Variants in KLHDC3 observed in about 807,000 individuals in gnomAD.
KLHDC3 encodes kelch domain-containing protein 3.
A neutral mutation model predicts 44.1 loss-of-function variants in KLHDC3; 5 were observed. That is an observed-to-expected ratio of 0.11 (90% CI 0.06 to 0.24). The LOEUF (loss-of-function observed/expected upper bound fraction) is 0.24. Ranked by LOEUF, KLHDC3 falls within the 10% of genes least tolerant of loss-of-function variation. KLHDC3 has a pLI of 1.00. For synonymous variants in KLHDC3, 170 were observed against 189.0 expected (o/e 0.90, Z 0.82); for missense variants, 247 against 514.3 (o/e 0.48, Z 5.03).
intron 10 of KLHDC3, among the ~76,000 whole-genome samples, 197 bp downstream of exon 10, chr6:43,019,563 G>GA (rs112870593): frequency 4.5e-4 from 68 of 151,064 alleles, no homozygotes; most frequent in Non-Finnish European, 6.5e-4. Context: ...TAAATTATAT[G>GA]AAAAAAAAAT....
At chr6:43,019,655 T>C (rs757883167) in intron 10 of KLHDC3, among the ~76,000 whole-genome samples, 11 of 152,242 alleles carry the variant, frequency 7.2e-5, no homozygotes, top group Non-Finnish European at 1.6e-4. Context: ...GATTAAATCT[T>C]AGAACCTAGC....
intron 10 of KLHDC3, 127 bp from the exon 11 acceptor site, chr6:43,020,540 A>T: frequency 1.4e-6 from 1 of 704,528 alleles, no homozygotes; most frequent in Non-Finnish European, 2.6e-6. Context: ...CTTAAGTAAG[A>T]GGTGGCTGTG....
Position 43,017,026 on chromosome 6 carries a change from G to A in KLHDC3, c.-59-108G>A, listed in dbSNP as rs1762594979. 7.9e-6 allele frequency: 6 copies of A among 761,226 alleles called. No homozygotes were observed. The South Asian group carries it at 1.0e-4, about 13-fold the overall frequency. The allele number at this position is 761,226 out of a possible 1,614,324, so 47.2% of individuals were successfully genotyped here. On this transcript the variant is annotated intron_variant, in intron 1 of 10. Transcript: ENST00000326974. This position sits in a 1 kb window ranked among gnomAD's most constrained non-coding sequence, Gnocchi z 6.0. ...GTGCCCCTGTGGAGGGGTAGTGTGG[G>A]AGGGCCCCCAGGGTGACACTTGGAG...
At chr6:43,019,003 A>G in intron 8 of KLHDC3, 32 bp downstream of exon 8, 1 of 1,573,252 alleles carries the variant, frequency 6.4e-7, no homozygotes, top group Non-Finnish European at 8.7e-7. Flanking sequence ...GGCTCAGGGA[A>G]GTCACTAATG....
In KLHDC3 at chr6:43,020,860, G is replaced by C. The variant is rs533229960; in HGVS notation, c.*127G>C. The stretch of plus-strand genomic sequence containing the variant: ...CTCCATGTGGAGTTGTTGGGCGAGA[G>C]GTGTTCTCTGTGCTGTGAATTCAGT... On this transcript the variant is annotated 3_prime_UTR_variant, in exon 11 of 11. Transcript: ENST00000326974. The C allele has an allele frequency of 5.2e-6, 4 of 765,284 alleles. No individual in the cohort carries two copies. Among genetic ancestry groups the C allele is most frequent in the East Asian group, 5.3e-5 (2 of 37,804 alleles). The allele number at this position is 765,284 out of a possible 1,614,324, so 47.4% of individuals were successfully genotyped here.
rs768698366 is a variant in KLHDC3, at chr6:43,021,092, C to A, written c.*359C>A. On this transcript the variant is annotated 3_prime_UTR_variant, in exon 11 of 11. Transcript: ENST00000326974. ...TGAGCCTCAGGAGCTTCCCCCTCCC[C>A]CTTTGCCTATCCCCTCCCCTCTGCT... is the stretch of plus-strand genomic sequence containing the variant. 2.1e-6 allele frequency: 1 copy of A among 485,156 alleles called. No homozygotes were observed. The highest frequency in any genetic ancestry group is 2.3e-5 in the Admixed American group (1 of 43,376). 30.1% of individuals were successfully genotyped at this position (485,156 alleles called of 1,614,324 possible). A position where few individuals can be genotyped will look rare whatever the true frequency, so the allele number is the denominator to read the frequency against.
chr6:43,019,050 G>A (rs1762638923), intron 8 of KLHDC3, 42 bp from the exon 9 acceptor site: 2 of 1,579,006 alleles, frequency 1.3e-6, no homozygotes, highest in African/African-American at 2.7e-5. Flanking sequence ...GGTTTCGTGG[G>A]TAGTTTTTGT....
rs142915175 is a variant in KLHDC3 at position 43,019,292 on chromosome 6, T to G, written c.1008T>G (p.Pro336=). Reference sequence around the variant, plus strand: ...TCCACAACTTCTCCCTTAAAGGCCCTAGTCTGAAGACTCTGTGCAAACTGG... The same window carrying G: ...TCCACAACTTCTCCCTTAAAGGCCCGAGTCTGAAGACTCTGTGCAAACTGG... The part of the protein sequence containing the change: ...HSDLHILDFS[P]SLKTLCKLAV... Residue 336 remains proline (P), a synonymous_variant, in exon 10 of 11, where the codon CCT becomes CCG. Coordinates refer to ENST00000326974, the MANE Select transcript of KLHDC3 (RefSeq NM_057161.4). 7.6e-4 allele frequency: 1,224 copies of G among 1,612,946 alleles called. 8 individuals carry two copies. The African/African-American group carries it at 0.014, about 19-fold the overall frequency.
In KLHDC3 at chr6:43,017,810, T is replaced by A; in HGVS notation, c.332-43T>A. On this transcript the variant is annotated intron_variant, in intron 3 of 10. Coordinates refer to ENST00000326974, the MANE Select transcript of KLHDC3 (RefSeq NM_057161.4). The surrounding 1 kb of genome is among the most constrained non-coding windows in gnomAD (Gnocchi z 6.0). ...GTACCCCAGAGCTGAGGAGGGACTGTCATAGAGGGTGCTTAGTTGAGCCAT... is the reference window on the plus strand; with the variant it reads ...GTACCCCAGAGCTGAGGAGGGACTGACATAGAGGGTGCTTAGTTGAGCCAT... 6.3e-7 allele frequency: 1 copy of A among 1,591,338 alleles called. No homozygotes were observed. The highest frequency in any genetic ancestry group is 8.6e-7 in the Non-Finnish European group (1 of 1,161,220).
chr6:43,020,571 T>C, intron 10 of KLHDC3, 96 bp from the exon 11 acceptor site: 3 of 965,154 alleles, frequency 3.1e-6, no homozygotes, highest in Non-Finnish European at 1.7e-6. Flanking sequence ...CTTTAGGAAG[T>C]TGGAGAGACT....
Position 43,017,472 on chromosome 6 carries a change from A to ACAG in KLHDC3, c.155-45_155-43dup. On this transcript the variant is annotated intron_variant, in intron 2 of 10. Transcript: ENST00000326974. This position sits in a 1 kb window ranked among gnomAD's most constrained non-coding sequence, Gnocchi z 6.0. ...CAAACATCTGGTTTGGGAAAAGTGGACAGCCTGGAGGGAGGTTCCCAGGGC... is the reference window on the plus strand; with the variant it reads ...CAAACATCTGGTTTGGGAAAAGTGGACAGCAGCCTGGAGGGAGGTTCCCAGGGC... 6.4e-7 allele frequency: 1 copy of ACAG among 1,562,222 alleles called. No homozygotes were observed. The highest frequency in any genetic ancestry group is 8.7e-7 in the Non-Finnish European group (1 of 1,150,174).
rs745724509 is a variant in KLHDC3, at chr6:43,019,321, T to C, written c.1037T>C (p.Val346Ala). The change falls in exon 10 of 11, where the codon GTG (valine) becomes GCG (alanine). Residue 346 changes from valine to alanine, a missense_variant. Coordinates refer to ENST00000326974, the MANE Select transcript of KLHDC3 (RefSeq NM_057161.4). The part of the protein sequence containing the change: ...PSLKTLCKLA[V>A]IQYNLDQSCL... ...CTGAAGACTCTGTGCAAACTGGCCG[T>C]GATTCAGTATAACCTAGACCAGTCC... 6.2e-7 allele frequency: 1 copy of C among 1,613,998 alleles called. No homozygotes were observed. The highest frequency in any genetic ancestry group is 1.1e-5 in the South Asian group (1 of 91,080).
chr6:43,016,156 G>A (rs1762567397), intron 1 of KLHDC3, among the ~76,000 whole-genome samples: 2 of 151,944 alleles, frequency 1.3e-5, no homozygotes, highest in African/African-American at 2.4e-5. Context: ...GATGGTCTCC[G>A]TCTCTTGATC....
chr6:43,020,685 G>T lies in KLHDC3; in HGVS notation c.1101G>T (p.Met367Ile). The T allele has an allele frequency of 6.2e-7, 1 of 1,613,784 alleles. No individual in the cohort carries two copies. Among genetic ancestry groups the T allele is most frequent in the South Asian group, 1.1e-5 (1 of 91,050 alleles). Residue 367 changes from methionine to isoleucine, a missense_variant, in exon 11 of 11, where the codon ATG (methionine) becomes ATT (isoleucine). By Grantham distance (10) the Met-to-Ile change is conservative. Around this residue, in one of 2 missense-constraint regions of KLHDC3, gnomAD observed 176 missense variants for 413.5 expected, o/e 0.43. Transcript: ENST00000326974. ...CTTCCAGGTGGGAGCTGAATGCCAT[G>T]ACCACCAACAGCAATATCAGTCGCC... ...PHDIRWELNA[M>I]TTNSNISRPI...
intron 1 of KLHDC3, chr6:43,016,757 G>A (rs988252468): frequency 5.9e-6 from 1 of 170,040 alleles, no homozygotes; most frequent in African/African-American, 2.4e-5. Flanking sequence ...GATTCTTAGA[G>A]AGGTGGCAGT....
chr6:43,018,572 T>A lies in KLHDC3; in HGVS notation c.733+16T>A. 6.2e-7 allele frequency: 1 copy of A among 1,613,594 alleles called. No homozygotes were observed. The highest frequency in any genetic ancestry group is 8.5e-7 in the Non-Finnish European group (1 of 1,179,542). On this transcript the variant is annotated intron_variant, in intron 6 of 10. Transcript: ENST00000326974. This position sits in a 1 kb window ranked among gnomAD's most constrained non-coding sequence, Gnocchi z 6.0. ...CACTCGGCCTGTGAGTGTTTGTTAC[T>A]TCCCTGTGGAGTTCCCTTCCTGCCC...
In KLHDC3 at chr6:43,021,137, G is replaced by C. The variant is rs186819417; in HGVS notation, c.*404G>C. On this transcript the variant is annotated 3_prime_UTR_variant, in exon 11 of 11. Coordinates refer to ENST00000326974, the MANE Select transcript of KLHDC3 (RefSeq NM_057161.4). ...TCTGCTTGAGCCTTGAGCCTTGACT[G>C]GGAGCTGAAAGGAGTTGCAGCTGTT... is the stretch of plus-strand genomic sequence containing the variant. The C allele has an allele frequency of 9.1e-4, 427 of 469,908 alleles. 6 individuals carry two copies. The Admixed American group carries it at 9.7e-3, about 11-fold the overall frequency. 29.1% of individuals were successfully genotyped at this position (469,908 alleles called of 1,614,324 possible).
Position 43,017,018 on chromosome 6 carries a change from T to C in KLHDC3, c.-59-116T>C, listed in dbSNP as rs1053413026. 4 of 696,624 alleles carry C rather than the reference T, an allele frequency of 5.7e-6. No homozygotes were observed. Among genetic ancestry groups the C allele is most frequent in the Non-Finnish European group, 9.7e-6 (4 of 411,024 alleles). The allele number at this position is 696,624 out of a possible 1,614,324, so 43.2% of individuals were successfully genotyped here. ...TGAGACTAGTGCCCCTGTGGAGGGG[T>C]AGTGTGGGAGGGCCCCCAGGGTGAC... is the stretch of plus-strand genomic sequence containing the variant. On this transcript the variant is annotated intron_variant, in intron 1 of 10. Transcript: ENST00000326974. The surrounding 1 kb of genome is among the most constrained non-coding windows in gnomAD (Gnocchi z 6.0).
At chr6:43,016,302 TTC>T (rs1561858358) in intron 1 of KLHDC3, 1 of 152,248 alleles carries the variant, frequency 6.6e-6, no homozygotes, top group Admixed American at 6.5e-5. Flanking sequence ...GAAGAGCTTG[TTC>T]TCTCTTTTCT....
Sources: gnomAD v4.1 joint callset for allele counts (sites outside exome capture counted in the v4.1 genomes callset) on GRCh38, gnomAD v4.1.1 for gene constraint, gnomAD v4.1.1 regional missense constraint, Gnocchi (gnomAD v3.1) non-coding constraint, MANE v1.5 for transcripts, NCBI Gene and HGNC (gene_info 2026-07-23, HGNC 2026-07-21) for gene names.